Variants in SAMD12 observed in about 807,000 individuals in gnomAD.
The protein encoded by SAMD12 is sterile alpha motif domain containing 12, also known as sterile alpha motif domain-containing protein 12.
Under a neutral mutation model 15.0 loss-of-function variants are expected in SAMD12, and 9 were observed. The ratio of observed to expected loss-of-function variants is 0.60; its 90% CI spans 0.36 to 1.05. The LOEUF (loss-of-function observed/expected upper bound fraction) is 1.05. SAMD12 is among the 50% of genes least tolerant of loss of function. SAMD12 has a pLI of 0.01. For synonymous variants in SAMD12, 86 were observed against 90.1 expected, an observed-to-expected ratio of 0.96 and a Z score of 0.25; for missense variants, 230 against 234.2, an observed-to-expected ratio of 0.98 and a Z score of 0.12.
chr8:118,216,166 G>A (rs1811955839), intron 4 of SAMD12, among the ~76,000 whole-genome samples: 1 of 149,422 alleles, frequency 6.7e-6, no homozygotes, highest in Non-Finnish European at 1.5e-5. Flanking sequence ...TCTAACTGGT[G>A]TGAGATGGTA....
At chr8:118,143,099 G>T in the SAMD12 span, among the ~76,000 whole-genome samples, 1 of 151,848 alleles carries the variant, frequency 6.6e-6, no homozygotes, top group Admixed American at 6.6e-5. Flanking sequence ...TTTTTTAAAG[G>T]GATTCCTAAA....
intron 3 of SAMD12, among the ~76,000 whole-genome samples, chr8:118,411,333 G>C (rs1225820390): frequency 1.3e-5 from 2 of 152,306 alleles, no homozygotes; most frequent in East Asian, 3.8e-4. Flanking sequence ...CATCATCAAA[G>C]TAACAAAGGT....
At chr8:118,594,616 C>T (rs1827675099) in intron 1 of SAMD12, among the ~76,000 whole-genome samples, 1 of 152,056 alleles carries the variant, frequency 6.6e-6, no homozygotes, top group Admixed American at 6.6e-5. Flanking sequence ...ACGTTTACCT[C>T]CAAGCCAAGA....
chr8:118,292,410 A>G (rs1250798717), intron 4 of SAMD12, among the ~76,000 whole-genome samples: 1 of 134,528 alleles, frequency 7.4e-6, no homozygotes, highest in Non-Finnish European at 1.6e-5. Context: ...GGCAGTGTTC[A>G]CAGATTCATA....
At chr8:118,346,275 C>G (rs1198088375) in intron 4 of SAMD12, among the ~76,000 whole-genome samples, 2 of 152,028 alleles carry the variant, frequency 1.3e-5, no homozygotes, top group Non-Finnish European at 2.9e-5. Context: ...AGAGCTAAAT[C>G]TAAAAATGGA....
intron 2 of SAMD12, among the ~76,000 whole-genome samples, chr8:118,449,817 A>C (rs1367261428): frequency 5.9e-5 from 8 of 134,896 alleles, no homozygotes; most frequent in African/African-American, 2.5e-4. Context: ...AAAAAAAAAA[A>C]CAACAAAAAA....
At chr8:118,222,011 A>G (rs1812092002) in intron 4 of SAMD12, among the ~76,000 whole-genome samples, 1 of 152,212 alleles carries the variant, frequency 6.6e-6, no homozygotes, top group African/African-American at 2.4e-5. Context: ...TGGGCCACAT[A>G]AGTGGTAATG....
At chr8:118,250,441 G>A (rs911292020) in intron 4 of SAMD12, among the ~76,000 whole-genome samples, 1 of 151,976 alleles carries the variant, frequency 6.6e-6, no homozygotes, top group African/African-American at 2.4e-5. Flanking sequence ...CTTGTTAATT[G>A]TGGTGAATGC....
chr8:118,493,918 C>A (rs531317963), intron 2 of SAMD12, among the ~76,000 whole-genome samples: 2 of 152,276 alleles, frequency 1.3e-5, no homozygotes, highest in East Asian at 3.9e-4. Flanking sequence ...TAAAACCAAC[C>A]CTAGCCTTCA....
intron 2 of SAMD12, among the ~76,000 whole-genome samples, chr8:118,497,485 A>G (rs915128896): frequency 4.6e-5 from 7 of 152,208 alleles, no homozygotes; most frequent in African/African-American, 1.4e-4. Context: ...CAAATGCCTC[A>G]TGTTCTCACT....
intron 1 of SAMD12, among the ~76,000 whole-genome samples, chr8:118,602,362 A>C (rs76214177): frequency 0.013 from 1,978 of 152,256 alleles, 38 homozygotes; most frequent in African/African-American, 0.044. Context: ...TTTAACAGTT[A>C]TTTTCTGAGT....
chr8:118,539,502 A>G (rs1487387966), intron 2 of SAMD12, among the ~76,000 whole-genome samples: 2 of 152,168 alleles, frequency 1.3e-5, no homozygotes, highest in Non-Finnish European at 2.9e-5. Context: ...TATGACATCT[A>G]TCTGATTGGG....
intron 1 of SAMD12, among the ~76,000 whole-genome samples, chr8:118,605,622 A>G (rs1378119219): frequency 5.3e-5 from 8 of 152,020 alleles, no homozygotes; most frequent in Non-Finnish European, 7.4e-5. Context: ...TCATCTAGGA[A>G]ATGGAGATAT....
intron 2 of SAMD12, among the ~76,000 whole-genome samples, chr8:118,527,781 G>A (rs1825571696): frequency 6.6e-6 from 1 of 151,902 alleles, no homozygotes; most frequent in African/African-American, 2.4e-5. Context: ...GTTTAATTAG[G>A]GATATCTGCT....
the SAMD12 span, among the ~76,000 whole-genome samples, chr8:118,146,110 C>T: frequency 9.2e-5 from 14 of 152,254 alleles, no homozygotes; most frequent in East Asian, 1.2e-3. Flanking sequence ...CACCAAACTC[C>T]GACTTCGGTA....
the SAMD12 span, among the ~76,000 whole-genome samples, chr8:118,175,047 A>C: frequency 0.012 from 1,695 of 145,166 alleles, 14 homozygotes; most frequent in South Asian, 0.027. Context: ...AAAAAAAAAA[A>C]CAAAAAAAAC....
rs1165508519 is a variant in SAMD12 at position 118,536,443 on chromosome 8, A to AACACACACACACACAC, written c.192+44256_192+44271dup. 5.2e-3 allele frequency among the ~76,000 whole-genome samples: 729 copies of AACACACACACACACAC among 140,820 alleles called. 4 individuals are homozygous for AACACACACACACACAC. The highest frequency in any genetic ancestry group is 8.4e-3 in the Non-Finnish European group (547 of 65,246). The allele number at this position is 140,820 out of a possible 152,430, so 92.4% of individuals were successfully genotyped here. ...ATTGAGCTATGTAGACTGATACACA[A>AACACACACACACACAC]ACACACACACACACACACACACACA... is the stretch of plus-strand genomic sequence containing the variant. On this transcript the variant is annotated intron_variant, in intron 2 of 3. Transcript: ENST00000314727.
chr8:118,442,776 G>C (rs1412194991), intron 2 of SAMD12, among the ~76,000 whole-genome samples: 2 of 152,154 alleles, frequency 1.3e-5, no homozygotes, highest in African/African-American at 2.4e-5. Context: ...TGCAAGTAAA[G>C]CTAATCACAT....
intron 2 of SAMD12, among the ~76,000 whole-genome samples, chr8:118,475,847 G>A: frequency 6.6e-6 from 1 of 152,030 alleles, no homozygotes; most frequent in Non-Finnish European, 1.5e-5. Flanking sequence ...AAGCAGATGG[G>A]ATCAACAGAT....
Sources: allele counts gnomAD v4.1 joint callset (sites outside exome capture counted in the v4.1 genomes callset), GRCh38; gene constraint gnomAD v4.1.1; transcripts MANE v1.5; gene names NCBI Gene and HGNC (gene_info 2026-07-23, HGNC 2026-07-21).